Variants in MICALL2 observed in about 807,000 individuals in gnomAD.
MICALL2 encodes MICAL like 2.
In MICALL2, 111 loss-of-function variants were observed where a neutral mutation model predicts 91.1. The ratio of observed to expected loss-of-function variants is 1.22; its 90% CI spans 1.04 to 1.43. MICALL2 has a LOEUF of 1.43. MICALL2 is among the 40% of genes most tolerant of loss of function. The probability of loss-of-function intolerance (pLI) is 0.00; values close to 1 mark genes in which losing one functional copy is unlikely to be tolerated. For synonymous variants in MICALL2, 694 were observed against 525.3 expected (o/e 1.32, Z -4.39); for missense variants, 1,556 against 1,236.0 (o/e 1.26, Z -3.88).
In MICALL2 at chr7:1,459,241, G is replaced by A; in HGVS notation, c.86C>T (p.Ser29Leu). ...GCAGAAAGCCAGGCCGTCGCGGAAC[G>A]ACGTGGTCATGTTGCAGATATTCAC... is the stretch of plus-strand genomic sequence containing the variant. ...RDVNICNMTTSFRDGLAFCAI... is the reference protein window; with the variant it reads ...RDVNICNMTTLFRDGLAFCAI... Residue 29 changes from serine (S) to leucine (L), a missense_variant, in exon 1 of 17, where the codon TCG (serine) becomes TTG (leucine). By Grantham distance (145) the Ser-to-Leu change is moderately radical. Transcript: ENST00000297508. 3 of 1,611,348 alleles carry A rather than the reference G, an allele frequency of 1.9e-6. No homozygotes were observed. In the South Asian group the frequency reaches 3.3e-5, roughly 18 times the overall value.
At chr7:1,447,531 T>A (rs1584224637) in intron 4 of MICALL2, 44 bp downstream of exon 4, 2 of 1,244,860 alleles carry the variant, frequency 1.6e-6, no homozygotes, top group Non-Finnish European at 2.2e-6. Context: ...CACCCCCCGG[T>A]GGAAAACCCA....
chr7:1,445,546 A>G (rs1780535010), intron 5 of MICALL2, 118 bp from the exon 6 acceptor site: 1 of 972,282 alleles, frequency 1.0e-6, no homozygotes, highest in Non-Finnish European at 1.5e-6. Context: ...AGGTTGCTGA[A>G]CGCCCGCCCC....
chr7:1,438,521 C>T (rs1048284483), intron 10 of MICALL2, 168 bp from the exon 11 acceptor site: 3 of 1,437,716 alleles, frequency 2.1e-6, no homozygotes, highest in Admixed American at 5.4e-5. Flanking sequence ...CCACAGACAC[C>T]TGAGTGGCCT....
rs538221357 is a variant in MICALL2, at chr7:1,436,792, G to C, written c.2541C>G (p.Thr847=). The C allele has an allele frequency of 3.1e-6, 5 of 1,608,812 alleles. No individual in the cohort carries two copies. In the East Asian group the frequency reaches 1.1e-4, roughly 36 times the overall value. The change falls in exon 15 of 17, where the codon ACC becomes ACG. Residue 847 remains threonine (T), a synonymous_variant. Coordinates refer to ENST00000297508, the MANE Select transcript of MICALL2 (RefSeq NM_182924.4). ...EQELLEQYVS[T]VNDRSDIVDS... is the part of the protein sequence containing the mutation. ...CCACGATGTCACTGCGGTCGTTCAC[G>C]GTGCTCACGTACTGCTCCAGCAGCT...
Position 1,459,192 on chromosome 7 carries a change from G to C in MICALL2, c.135C>G (p.Pro45=). ...CGCCAGGCAGGACTTACATGAGGTC[G>C]GGCCGGTGGCGGTGCAGGATGGCGC... ...AFCAILHRHR[P]DLINFSALKK... The change falls in exon 1 of 17, where the codon CCC becomes CCG. Residue 45 remains proline (P), a synonymous_variant. Transcript: ENST00000297508. The C allele has an allele frequency of 6.2e-7, 1 of 1,609,854 alleles. No individual in the cohort carries two copies. Among genetic ancestry groups the C allele is most frequent in the Non-Finnish European group, 8.5e-7 (1 of 1,178,472 alleles).
Position 1,436,551 on chromosome 7 carries a change from C to CAAAAAAAAAA in MICALL2, c.2591+181_2591+190dup, listed in dbSNP as rs59955608. On this transcript the variant is annotated intron_variant, in intron 15 of 16. Transcript: ENST00000297508. ...CTGGTGACAGAGCAAGACTCTGTCT[C>CAAAAAAAAAA]AAAAAAAAAAAAAAAAAAGACTTCA... Among the ~76,000 whole-genome samples the CAAAAAAAAAA allele has an allele frequency of 3.7e-3, 276 of 74,430 alleles. 13 individuals are homozygous for CAAAAAAAAAA. Among genetic ancestry groups the CAAAAAAAAAA allele is most frequent in the Middle Eastern group, 0.016 (2 of 122 alleles). 48.8% of individuals were successfully genotyped at this position (74,430 alleles called of 152,430 possible). A position where few individuals can be genotyped will look rare whatever the true frequency, so the allele number is the denominator to read the frequency against.
chr7:1,443,117 T>A (rs912750762), intron 6 of MICALL2, among the ~76,000 whole-genome samples: 1 of 88,850 alleles, frequency 1.1e-5, no homozygotes, highest in Admixed American at 1.7e-4. Flanking sequence ...CCCTCCCCCC[T>A]TTCCCTTTAC....
chr7:1,442,018 G>A, intron 7 of MICALL2, 174 bp downstream of exon 7: 3 of 749,066 alleles, frequency 4.0e-6, no homozygotes, highest in Non-Finnish European at 6.6e-6. Context: ...ACCACACAGA[G>A]AGCGCACCAG....
chr7:1,445,397 C>A lies in MICALL2; in HGVS notation c.673G>T (p.Gly225Trp). ...GGCTCTCCTGTGGCCTTGTAGGCCC[C>A]CGAGTGCAGCGTGCAGGAGCACTGC... ...CKQCSCTLHS[G>W]AYKATGEPGT... Residue 225 changes from glycine (G) to tryptophan (W), a missense_variant, in exon 6 of 17, where the codon GGG becomes TGG. By Grantham distance (184) the Gly-to-Trp change is radical. Coordinates refer to ENST00000297508, the MANE Select transcript of MICALL2 (RefSeq NM_182924.4). 6.4e-7 allele frequency: 1 copy of A among 1,565,874 alleles called. No individual in the cohort carries two copies. The highest frequency in any genetic ancestry group is 8.6e-7 in the Non-Finnish European group (1 of 1,162,886).
In MICALL2 at chr7:1,452,896, T is replaced by G. The variant is rs1051894977; in HGVS notation, c.144-2608A>C. 6.3e-4 allele frequency among the ~76,000 whole-genome samples: 96 copies of G among 152,058 alleles called. No individual in the cohort carries two copies. The highest frequency in any genetic ancestry group is 2.2e-3 in the African/African-American group (93 of 41,472). ...CACCACCCATCCTGCCCCAAGCTCC[T>G]TCCCCAGGGCCGGCCCTCCAGCCTC... On this transcript the variant is annotated intron_variant, in intron 1 of 16. Coordinates refer to ENST00000297508, the MANE Select transcript of MICALL2 (RefSeq NM_182924.4). The surrounding 1 kb of genome is among the most constrained non-coding windows in gnomAD (Gnocchi z 6.2).
At position 1,440,058 on chromosome 7, in the gene MICALL2, G is replaced by C. The variant is rs1172170103; in HGVS notation, c.1833C>G (p.Ala611=). The C allele has an allele frequency of 6.3e-7, 1 of 1,585,856 alleles. No homozygotes were observed. Among genetic ancestry groups the C allele is most frequent in the Non-Finnish European group, 8.5e-7 (1 of 1,171,104 alleles). The part of the protein sequence containing the change: ...ERTLKPKEPR[A]LAEPRAGEAP... ...CCTCCCCCGCCCTCGGCTCTGCCAGGGCCCGTGGTTCCTTGGGCTTCAGAG... is the reference window on the plus strand; with the variant it reads ...CCTCCCCCGCCCTCGGCTCTGCCAGCGCCCGTGGTTCCTTGGGCTTCAGAG... Residue 611 remains alanine (A), a synonymous_variant, in exon 9 of 17, where the codon GCC becomes GCG. Coordinates refer to ENST00000297508, the MANE Select transcript of MICALL2 (RefSeq NM_182924.4).
intron 10 of MICALL2, 119 bp downstream of exon 10, chr7:1,438,721 C>A (rs976545450): frequency 4.8e-5 from 72 of 1,493,886 alleles, no homozygotes; most frequent in Non-Finnish European, 6.0e-5. Context: ...TTCCTCCAGG[C>A]TTTCCCTCCA....
At chr7:1,457,266 G>A (rs1042131953) in intron 1 of MICALL2, among the ~76,000 whole-genome samples, 5 of 152,184 alleles carry the variant, frequency 3.3e-5, no homozygotes, top group African/African-American at 1.2e-4. Flanking sequence ...CCCAGTTCCA[G>A]GCACCAGGGG....
chr7:1,447,343 T>C (rs375375186), intron 4 of MICALL2, among the ~76,000 whole-genome samples: 49 of 152,186 alleles, frequency 3.2e-4, no homozygotes, highest in African/African-American at 1.1e-3. Context: ...TCAAGCTCTG[T>C]CCCACCTTTG....
rs1056694249 is a variant in MICALL2 at position 1,437,530 on chromosome 7, C to T, written c.2476+5G>A. On this transcript the variant is annotated splice_donor_5th_base_variant and intron_variant, in intron 14 of 16. Transcript: ENST00000297508. ...GGCCCCTTGGCTGGCGCGCGGGGGA[C>T]GCACCGGGCTTGGCCATGAGCCGGC... The T allele has an allele frequency of 7.2e-6, 11 of 1,517,598 alleles. No individual in the cohort carries two copies. The East Asian group carries it at 1.2e-4, about 17-fold the overall frequency. The allele number at this position is 1,517,598 out of a possible 1,614,324, so 94.0% of individuals were successfully genotyped here. A position where few individuals can be genotyped will look rare whatever the true frequency, so the allele number is the denominator to read the frequency against.
chr7:1,456,012 C>CA (rs1221184186), intron 1 of MICALL2, among the ~76,000 whole-genome samples: 1 of 151,874 alleles, frequency 6.6e-6, no homozygotes, highest in Non-Finnish European at 1.5e-5. Flanking sequence ...GAGGGACAGC[C>CA]AAGGGCTGCA....
intron 9 of MICALL2, 70 bp from the exon 10 acceptor site, chr7:1,439,065 C>CGAGCTGTTGGCTGTGCTGGG: frequency 8.0e-7 from 1 of 1,251,458 alleles, no homozygotes; most frequent in Non-Finnish European, 1.1e-6. Flanking sequence ...TCTGTCCCAG[C>CGAGCTGTTGGCTGTGCTGGG]ACAGCCAACA....
intron 16 of MICALL2, 67 bp downstream of exon 16, chr7:1,435,034 C>G: frequency 6.5e-7 from 1 of 1,536,622 alleles, no homozygotes; most frequent in Non-Finnish European, 8.9e-7. Flanking sequence ...GCCAGCCAGC[C>G]CAGCACTCAG....
At chr7:1,453,974 G>A (rs1312607275) in intron 1 of MICALL2, among the ~76,000 whole-genome samples, 1 of 152,250 alleles carries the variant, frequency 6.6e-6, no homozygotes, top group Middle Eastern at 3.4e-3. Flanking sequence ...TCCACCGTGC[G>A]TGCCCCTGCC....
Sources: gnomAD v4.1 joint callset for allele counts (sites outside exome capture counted in the v4.1 genomes callset) on GRCh38, gnomAD v4.1.1 for gene constraint, Gnocchi (gnomAD v3.1) non-coding constraint, MANE v1.5 for transcripts, NCBI Gene and HGNC (gene_info 2026-07-23, HGNC 2026-07-21) for gene names.